Variants in ZNF804B observed in about 807,000 individuals in gnomAD.
ZNF804B encodes the protein zinc finger 804B.
A neutral mutation model predicts 101.4 loss-of-function variants in ZNF804B; 80 were observed. The observed-to-expected ratio is 0.79, with a 90% confidence interval of 0.66 to 0.95. ZNF804B has a LOEUF of 0.95. ZNF804B is among the 40% of genes least tolerant of loss of function. The pLI is 0.00. For synonymous variants in ZNF804B, 622 were observed against 558.8 expected, an observed-to-expected ratio of 1.11 and a Z score of -1.59; for missense variants, 1,673 against 1,561.9, an observed-to-expected ratio of 1.07 and a Z score of -1.20.
intron 1 of ZNF804B, among the ~76,000 whole-genome samples, chr7:88,858,672 G>C (rs1425797433): frequency 2.0e-5 from 3 of 152,122 alleles, no homozygotes; most frequent in Non-Finnish European, 4.4e-5. Flanking sequence ...CTCGTTAACA[G>C]AAAGGCCATA....
chr7:89,185,204 A>G (rs961685187), intron 1 of ZNF804B, among the ~76,000 whole-genome samples: 8 of 152,222 alleles, frequency 5.3e-5, no homozygotes, highest in Middle Eastern at 3.2e-3. Context: ...AGTGAAAGAG[A>G]GTTTGGGACA....
intron 2 of ZNF804B, among the ~76,000 whole-genome samples, chr7:89,249,029 TAA>T (rs58553222): frequency 0.048 from 5,725 of 119,144 alleles, 338 homozygotes; most frequent in African/African-American, 0.15. Flanking sequence ...CCAATAACAG[TAA>T]AAAAAAAAAA....
intron 1 of ZNF804B, among the ~76,000 whole-genome samples, chr7:88,926,804 C>T (rs757285660): frequency 2.6e-5 from 4 of 152,052 alleles, no homozygotes; most frequent in Non-Finnish European, 5.9e-5. Flanking sequence ...CTAAGTCCAG[C>T]TTCCGAATTA....
At chr7:89,178,638 C>T (rs1788241342) in intron 1 of ZNF804B, among the ~76,000 whole-genome samples, 1 of 151,990 alleles carries the variant, frequency 6.6e-6, no homozygotes, top group African/African-American at 2.4e-5. Flanking sequence ...GAAAAGTTGT[C>T]ACAGTTATTA....
At chr7:88,986,867 A>G (rs775332369) in intron 1 of ZNF804B, among the ~76,000 whole-genome samples, 11 of 152,082 alleles carry the variant, frequency 7.2e-5, no homozygotes, top group Admixed American at 1.3e-4. Flanking sequence ...AAGTTGAACA[A>G]AGCTAAACTA....
At chr7:88,985,783 G>T (rs1793751240) in intron 1 of ZNF804B, among the ~76,000 whole-genome samples, 1 of 152,048 alleles carries the variant, frequency 6.6e-6, no homozygotes, top group Non-Finnish European at 1.5e-5. Flanking sequence ...TTTGAAAGGA[G>T]AAAAGTGTTC....
At chr7:89,081,663 A>AT (rs1472733293) in intron 1 of ZNF804B, among the ~76,000 whole-genome samples, 13 of 151,912 alleles carry the variant, frequency 8.6e-5, no homozygotes, top group Admixed American at 6.6e-4. Context: ...AATCTCTAAC[A>AT]TAGACATCTT....
chr7:89,182,766 T>C (rs1788316426), intron 1 of ZNF804B, among the ~76,000 whole-genome samples: 1 of 152,296 alleles, frequency 6.6e-6, no homozygotes, highest in East Asian at 1.9e-4. Context: ...ATACTCTGAT[T>C]TGAGCGCCAA....
intron 2 of ZNF804B, among the ~76,000 whole-genome samples, chr7:89,265,963 C>G (rs1489041561): frequency 6.6e-6 from 1 of 152,192 alleles, no homozygotes; most frequent in Non-Finnish European, 1.5e-5. Context: ...TGGCAGACAG[C>G]TCAGCTAATT....
At chr7:88,887,579 C>T (rs1792147177) in intron 1 of ZNF804B, among the ~76,000 whole-genome samples, 1 of 152,050 alleles carries the variant, frequency 6.6e-6, no homozygotes, top group Non-Finnish European at 1.5e-5. Context: ...ATCAGCTGGT[C>T]ATAGGTGTGC....
chr7:88,791,779 T>C (rs1411790935), intron 1 of ZNF804B, among the ~76,000 whole-genome samples: 1 of 152,138 alleles, frequency 6.6e-6, no homozygotes, highest in Non-Finnish European at 1.5e-5. Context: ...TCCCATTACA[T>C]ATGTATTATT....
chr7:88,971,017 A>G (rs1242270622), intron 1 of ZNF804B, among the ~76,000 whole-genome samples: 1 of 151,162 alleles, frequency 6.6e-6, no homozygotes, highest in Non-Finnish European at 1.5e-5. Context: ...AAAATAAAGA[A>G]TAAAAAAATA....
At chr7:89,250,751 A>C (rs1789526811) in intron 2 of ZNF804B, among the ~76,000 whole-genome samples, 1 of 152,204 alleles carries the variant, frequency 6.6e-6, no homozygotes, top group African/African-American at 2.4e-5. Context: ...GCATGATCAA[A>C]TAGGCTTCAT....
intron 1 of ZNF804B, among the ~76,000 whole-genome samples, chr7:88,918,488 G>A (rs551645623): frequency 6.6e-6 from 1 of 151,928 alleles, no homozygotes; most frequent in Non-Finnish European, 1.5e-5. Flanking sequence ...TGTTTCCCTC[G>A]AATTTAACTT....
chr7:88,961,133 C>G (rs1793380547), intron 1 of ZNF804B, among the ~76,000 whole-genome samples: 1 of 151,362 alleles, frequency 6.6e-6, no homozygotes, highest in Non-Finnish European at 1.5e-5. Flanking sequence ...AAAAAACACC[C>G]AATTCTATTC....
Position 89,333,908 on chromosome 7 carries a change from C to CT in ZNF804B, c.927dup (p.Ile310TyrfsTer2). On this transcript the variant is annotated frameshift_variant, in exon 4 of 4. Coordinates refer to ENST00000333190, the MANE Select transcript of ZNF804B (RefSeq NM_181646.5). LOFTEE classifies it high-confidence loss of function. Reference sequence around the variant, plus strand: ...AAAATTTTGCAAGACAAACACGACTCTATTGATGAGACACTAGAAGATTCA... The same window carrying CT: ...AAAATTTTGCAAGACAAACACGACTCTTATTGATGAGACACTAGAAGATTCA... The CT allele has an allele frequency of 6.2e-7, 1 of 1,613,546 alleles. No homozygotes were observed. The highest frequency in any genetic ancestry group is 8.5e-7 in the Non-Finnish European group (1 of 1,179,734).
chr7:89,006,441 C>G (rs1788369889), intron 1 of ZNF804B, among the ~76,000 whole-genome samples: 1 of 152,018 alleles, frequency 6.6e-6, no homozygotes, highest in African/African-American at 2.4e-5. Context: ...ATTATACAAA[C>G]CAGTCTTGAA....
intron 2 of ZNF804B, among the ~76,000 whole-genome samples, chr7:89,241,005 G>A (rs527923629): frequency 6.6e-6 from 1 of 152,132 alleles, no homozygotes; most frequent in African/African-American, 2.4e-5. Flanking sequence ...TGCCGTGTCT[G>A]TATTACTCAA....
chr7:88,916,186 T>A (rs1792630325), intron 1 of ZNF804B, among the ~76,000 whole-genome samples: 1 of 152,080 alleles, frequency 6.6e-6, no homozygotes, highest in Non-Finnish European at 1.5e-5. Context: ...CATTATTTAT[T>A]TTCCAAATTA....
Sources: gnomAD v4.1 joint callset for allele counts (sites outside exome capture counted in the v4.1 genomes callset) on GRCh38, gnomAD v4.1.1 for gene constraint, MANE v1.5 for transcripts, NCBI Gene and HGNC (gene_info 2026-07-23, HGNC 2026-07-21) for gene names.